VAT1L: variants seen among roughly 807,000 people sequenced by gnomAD.
The protein encoded by VAT1L is vesicle amine transport 1 like.
VAT1L carries 34 observed loss-of-function variants against 44.1 expected under a neutral mutation model. The ratio of observed to expected loss-of-function variants is 0.77; its 90% CI spans 0.59 to 1.03. VAT1L has a LOEUF of 1.03. VAT1L is among the 50% of genes least tolerant of loss of function. The pLI is 0.00. For missense variants in VAT1L, 615 were observed against 538.8 expected (o/e 1.14, Z -1.40); for synonymous variants, 253 against 202.2 (o/e 1.25, Z -2.13).
At chr16:77,811,417 C>CA (rs913677206) in intron 1 of VAT1L, among the ~76,000 whole-genome samples, 6 of 150,956 alleles carry the variant, frequency 4.0e-5, no homozygotes, top group Admixed American at 1.3e-4. Flanking sequence ...TTAGCATATC[C>CA]AAAAAAAAAT....
intron 7 of VAT1L, among the ~76,000 whole-genome samples, chr16:77,912,655 T>G (rs778355678): frequency 6.6e-6 from 1 of 152,228 alleles, no homozygotes; most frequent in African/African-American, 2.4e-5. Flanking sequence ...GCAAACATGT[T>G]GCTATTTCTC....
intron 3 of VAT1L, among the ~76,000 whole-genome samples, chr16:77,828,391 C>T (rs1024736082): frequency 1.3e-5 from 2 of 151,980 alleles, no homozygotes; most frequent in Non-Finnish European, 2.9e-5. Flanking sequence ...GGGCCGGGCG[C>T]GGTGGCTCAC....
chr16:77,826,355 T>G (rs1022723159), intron 3 of VAT1L, among the ~76,000 whole-genome samples: 5 of 152,212 alleles, frequency 3.3e-5, no homozygotes, highest in Non-Finnish European at 7.3e-5. Flanking sequence ...AGTGATTTAG[T>G]TTTTTCAATA....
At chr16:77,849,790 G>A (rs1047209364) in intron 3 of VAT1L, among the ~76,000 whole-genome samples, 5 of 152,162 alleles carry the variant, frequency 3.3e-5, no homozygotes, top group Non-Finnish European at 7.3e-5. Context: ...AGAAGCCTCC[G>A]ATGTCACCTT....
At chr16:77,897,006 T>A (rs2142472424) in intron 7 of VAT1L, among the ~76,000 whole-genome samples, 1 of 152,244 alleles carries the variant, frequency 6.6e-6, no homozygotes, top group African/African-American at 2.4e-5. Context: ...GATGGAGAAA[T>A]TACTTAATAT....
chr16:77,955,333 A>G (rs1219603818), intron 7 of VAT1L, among the ~76,000 whole-genome samples: 1 of 152,224 alleles, frequency 6.6e-6, no homozygotes, highest in Admixed American at 6.5e-5. Flanking sequence ...GCAGAGGCCA[A>G]GGATGCTGAC....
At chr16:77,894,759 A>T (rs189459795) in intron 7 of VAT1L, among the ~76,000 whole-genome samples, 1 of 152,324 alleles carries the variant, frequency 6.6e-6, no homozygotes, top group Non-Finnish European at 1.5e-5. Flanking sequence ...ATGCTAAGAT[A>T]GATATGCTAG....
chr16:77,824,146 C>T (rs2016491613), intron 2 of VAT1L, among the ~76,000 whole-genome samples: 1 of 152,204 alleles, frequency 6.6e-6, no homozygotes, highest in African/African-American at 2.4e-5. Context: ...AAAGGAAGGA[C>T]AGAAGTTTGC....
chr16:77,972,507 G>C (rs1402434359), intron 8 of VAT1L, among the ~76,000 whole-genome samples: 4 of 152,110 alleles, frequency 2.6e-5, no homozygotes, highest in African/African-American at 7.2e-5. Flanking sequence ...TTGGCCAGGG[G>C]AGGTGGCTAA....
intron 6 of VAT1L, among the ~76,000 whole-genome samples, chr16:77,881,911 TCTC>T (rs2017159174): frequency 6.6e-6 from 1 of 152,222 alleles, no homozygotes; most frequent in Non-Finnish European, 1.5e-5. Context: ...GTTTTCCCTT[TCTC>T]CTCTAAATGC....
chr16:77,819,819 T>G (rs1248422746), intron 2 of VAT1L, among the ~76,000 whole-genome samples: 1 of 152,264 alleles, frequency 6.6e-6, no homozygotes, highest in Non-Finnish European at 1.5e-5. Flanking sequence ...TGAAATATAA[T>G]GAGTCAGTAT....
chr16:77,897,475 T>G (rs1350509565), intron 7 of VAT1L, among the ~76,000 whole-genome samples: 1 of 152,188 alleles, frequency 6.6e-6, no homozygotes, highest in African/African-American at 2.4e-5. Flanking sequence ...GTTTTGTTTT[T>G]TGTTTTGTGT....
intron 3 of VAT1L, among the ~76,000 whole-genome samples, chr16:77,860,895 G>T (rs1188543753): frequency 6.6e-6 from 1 of 152,182 alleles, no homozygotes; most frequent in Non-Finnish European, 1.5e-5. Context: ...AGCCTGCTTT[G>T]CTTAAAATGT....
At chr16:77,871,253 GA>G (rs1408990897) in intron 4 of VAT1L, among the ~76,000 whole-genome samples, 1 of 151,594 alleles carries the variant, frequency 6.6e-6, no homozygotes, top group Non-Finnish European at 1.5e-5. Context: ...CCCCACCACT[GA>G]CCTTCAAAAG....
intron 4 of VAT1L, among the ~76,000 whole-genome samples, chr16:77,865,810 G>C (rs1250304302): frequency 1.3e-5 from 2 of 152,140 alleles, no homozygotes; most frequent in African/African-American, 2.4e-5. Flanking sequence ...AGGATGTGGG[G>C]AGTGGGAAGA....
Position 77,852,999 on chromosome 16 carries a change from A to T in VAT1L, c.580-9749A>T, listed in dbSNP as rs114945485. Among the ~76,000 whole-genome samples the T allele has an allele frequency of 1.0e-2, 1,523 of 152,310 alleles. 33 individuals carry two copies. Among genetic ancestry groups the T allele is most frequent in the African/African-American group, 0.034 (1,421 of 41,548 alleles). ...GCCAGGTACACAGTAAACTCTGTGG[A>T]GCTGGAGTTGAATGAATCAACCTAT... On this transcript the variant is annotated intron_variant, in intron 3 of 8. Transcript: ENST00000302536.
At chr16:77,869,598 G>A (rs1039266227) in intron 4 of VAT1L, among the ~76,000 whole-genome samples, 5 of 152,170 alleles carry the variant, frequency 3.3e-5, no homozygotes, top group East Asian at 1.9e-4. Flanking sequence ...GAGCCGAGGA[G>A]TTTGAGGCTG....
intron 7 of VAT1L, among the ~76,000 whole-genome samples, chr16:77,959,007 A>G (rs2018133962): frequency 2.0e-5 from 3 of 152,244 alleles, no homozygotes; most frequent in African/African-American, 7.2e-5. Flanking sequence ...GACTATGATT[A>G]GTCAAGACAG....
intron 3 of VAT1L, among the ~76,000 whole-genome samples, chr16:77,858,016 A>C (rs1395807760): frequency 1.3e-5 from 2 of 152,124 alleles, no homozygotes; most frequent in Admixed American, 1.3e-4. Context: ...CAACTCCTCC[A>C]GTTTCTCATG....
Sources: allele counts gnomAD v4.1 joint callset (sites outside exome capture counted in the v4.1 genomes callset), GRCh38; gene constraint gnomAD v4.1.1; transcripts MANE v1.5; gene names NCBI Gene and HGNC (gene_info 2026-07-23, HGNC 2026-07-21).